The following CSMD2 variants were observed in gnomAD, a reference collection of about 807,000 sequenced individuals.
CSMD2 encodes CUB and Sushi multiple domains 2.
In CSMD2, 130 loss-of-function variants were observed where a neutral mutation model predicts 398.5. The ratio of observed to expected loss-of-function variants is 0.33; its 90% CI spans 0.28 to 0.38. The LOEUF is 0.38. CSMD2 is among the 10% of genes least tolerant of loss of function. The pLI, the probability that CSMD2 is intolerant of heterozygous loss-of-function variation, is 1.00. For missense variants in CSMD2, 3,829 were observed against 4,764.9 expected, an observed-to-expected ratio of 0.80 and a Z score of 5.78; for synonymous variants, 1,828 against 1,908.5, an observed-to-expected ratio of 0.96 and a Z score of 1.10.
intron 29 of CSMD2, among the ~76,000 whole-genome samples, chr1:33,640,389 A>T (rs1643036555): frequency 6.6e-6 from 1 of 152,224 alleles, no homozygotes. Context: ...AGATGAGTAC[A>T]TATGGTGCAA....
intron 6 of CSMD2, among the ~76,000 whole-genome samples, chr1:33,828,200 C>A (rs1659040699): frequency 2.0e-5 from 3 of 152,222 alleles, no homozygotes; most frequent in Admixed American, 2.0e-4. Context: ...AGGAAAATTT[C>A]CAATGAACAC....
At chr1:33,522,926 G>A (rs1417444920) in intron 67 of CSMD2, among the ~76,000 whole-genome samples, 1 of 152,204 alleles carries the variant, frequency 6.6e-6, no homozygotes, top group Non-Finnish European at 1.5e-5. Context: ...GCATCCTCAA[G>A]TGTGAGGAGA....
intron 4 of CSMD2, among the ~76,000 whole-genome samples, chr1:33,926,702 G>T (rs1328579591): frequency 6.6e-6 from 1 of 152,094 alleles, no homozygotes; most frequent in Non-Finnish European, 1.5e-5. Flanking sequence ...TCCTTCTCTG[G>T]CAATGGGCAT....
intron 43 of CSMD2, 57 bp from the exon 44 acceptor site, chr1:33,601,067 A>G: frequency 6.2e-7 from 1 of 1,607,030 alleles, no homozygotes; most frequent in Non-Finnish European, 8.5e-7. Context: ...TGCCTGCTCC[A>G]CTTGGTGCCA....
At chr1:33,560,793 G>C (rs1658466500) in intron 53 of CSMD2, among the ~76,000 whole-genome samples, 1 of 152,206 alleles carries the variant, frequency 6.6e-6, no homozygotes, top group Non-Finnish European at 1.5e-5. Flanking sequence ...CAGGGACTTG[G>C]TTTTGCTTAT....
intron 6 of CSMD2, among the ~76,000 whole-genome samples, chr1:33,831,888 A>T (rs982890417): frequency 6.6e-6 from 1 of 152,068 alleles, no homozygotes; most frequent in African/African-American, 2.4e-5. Context: ...CAGACTTTAA[A>T]CCAATAAAGA....
chr1:33,988,463 G>A (rs781291329), intron 3 of CSMD2, among the ~76,000 whole-genome samples: 5 of 152,202 alleles, frequency 3.3e-5, no homozygotes, highest in Non-Finnish European at 7.3e-5. Flanking sequence ...CTGCTCAAAC[G>A]CTGTCTTCTT....
At chr1:34,065,282 CA>C (rs2148277844) in intron 2 of CSMD2, among the ~76,000 whole-genome samples, 1 of 152,340 alleles carries the variant, frequency 6.6e-6, no homozygotes, top group East Asian at 1.9e-4. Context: ...TTCTTCGCCC[CA>C]CTCTGCCTTT....
chr1:34,028,339 AATAAGT>A (rs1649955788), intron 3 of CSMD2, among the ~76,000 whole-genome samples: 1 of 152,278 alleles, frequency 6.6e-6, no homozygotes, highest in South Asian at 2.1e-4. Flanking sequence ...AATAAAATAA[AATAAGT>A]ATATTTGGGG....
chr1:33,767,799 C>T (rs576633883), intron 13 of CSMD2, among the ~76,000 whole-genome samples: 35 of 152,292 alleles, frequency 2.3e-4, no homozygotes, highest in Admixed American at 2.3e-3. Context: ...ACAGGTAACT[C>T]GGCCAGCAGT....
At chr1:34,029,160 G>A (rs1329544588) in intron 3 of CSMD2, among the ~76,000 whole-genome samples, 1 of 152,152 alleles carries the variant, frequency 6.6e-6, no homozygotes, top group Non-Finnish European at 1.5e-5. Flanking sequence ...GGGCAGCCTA[G>A]GCTGGAAGTG....
intron 2 of CSMD2, among the ~76,000 whole-genome samples, chr1:34,088,352 C>G (rs1192536415): frequency 6.6e-6 from 1 of 152,142 alleles, no homozygotes; most frequent in East Asian, 1.9e-4. Context: ...CACCTTTGCC[C>G]CAGAAAAGTC....
Position 33,519,553 on chromosome 1 carries a change from C to A in CSMD2, c.10861G>T (p.Glu3621Ter). The A allele has an allele frequency of 6.2e-7, 1 of 1,614,012 alleles. No homozygotes were observed. The highest frequency in any genetic ancestry group is 8.5e-7 in the Non-Finnish European group (1 of 1,180,014). ...QPTDIMASEA[E>*]FTVSTVCTAV Reference sequence around the variant, plus strand: ...GTGCACACTGTGCTGACTGTGAACTCCGCCTCGCTGGCCATGATGTCTGTG... The same window carrying A: ...GTGCACACTGTGCTGACTGTGAACTACGCCTCGCTGGCCATGATGTCTGTG... Residue 3621 changes from glutamate to a stop codon, truncating the protein, a stop_gained, in exon 70 of 71, where the codon GAG (glutamate) becomes TAG (stop). Coordinates refer to ENST00000373381, the MANE Select transcript of CSMD2 (RefSeq NM_001281956.2). LOFTEE classifies it high-confidence loss of function. This position sits in a 1 kb window ranked among gnomAD's most constrained non-coding sequence, Gnocchi z 5.6.
Position 33,653,536 on chromosome 1 carries a change from A to G in CSMD2, c.4448-1075T>C, listed in dbSNP as rs544780485. Reference sequence around the variant, plus strand: ...TGTATGGAGCTATTATTAATCCCCAATCAGTCTACGTGGTCGCCCTCCCCT... The same window carrying G: ...TGTATGGAGCTATTATTAATCCCCAGTCAGTCTACGTGGTCGCCCTCCCCT... On this transcript the variant is annotated intron_variant, in intron 27 of 70. Transcript: ENST00000373381. Among the ~76,000 whole-genome samples, 90 of 152,046 alleles carry G rather than the reference A, an allele frequency of 5.9e-4. 2 individuals carry two copies. The highest frequency in any genetic ancestry group is 2.5e-3 in the South Asian group (12 of 4,806).
At chr1:33,593,841 G>A (rs34992045) in intron 44 of CSMD2, among the ~76,000 whole-genome samples, 15,493 of 151,868 alleles carry the variant, frequency 0.1, 1,019 homozygotes, top group Non-Finnish European at 0.15. Context: ...TTTATATTTG[G>A]ATTATGTTTT....
chr1:34,091,664 A>G (rs140124205), intron 1 of CSMD2, among the ~76,000 whole-genome samples: 1,953 of 152,262 alleles, frequency 0.013, 17 homozygotes, highest in Non-Finnish European at 0.02. Flanking sequence ...AAAAAATGTT[A>G]AGGTCTTCTG....
chr1:33,978,111 T>A (rs944469430), intron 3 of CSMD2, among the ~76,000 whole-genome samples: 1 of 150,636 alleles, frequency 6.6e-6, no homozygotes, highest in Admixed American at 6.6e-5. Context: ...ATTATATGGA[T>A]GAGGAACTTG....
chr1:33,869,653 T>C (rs1196058185), intron 5 of CSMD2, among the ~76,000 whole-genome samples: 1 of 152,214 alleles, frequency 6.6e-6, no homozygotes, highest in Non-Finnish European at 1.5e-5. Context: ...GTGATACTGA[T>C]GCTCCTGGTC....
intron 25 of CSMD2, among the ~76,000 whole-genome samples, chr1:33,664,418 G>C (rs1644241524): frequency 6.6e-6 from 1 of 152,102 alleles, no homozygotes; most frequent in Admixed American, 6.5e-5. Context: ...AAATTGCAAG[G>C]AACATTTGCA....
Sources: gnomAD v4.1 joint callset for allele counts (sites outside exome capture counted in the v4.1 genomes callset) on GRCh38, gnomAD v4.1.1 for gene constraint, Gnocchi (gnomAD v3.1) non-coding constraint, MANE v1.5 for transcripts, NCBI Gene and HGNC (gene_info 2026-07-23, HGNC 2026-07-21) for gene names.